BBX: variants seen among roughly 807,000 people sequenced by gnomAD.
The protein encoded by BBX is HMG box transcription factor BBX.
In BBX, 30 loss-of-function variants were observed where a neutral mutation model predicts 100.2. The observed-to-expected ratio is 0.30, with a 90% CI of 0.22 to 0.41. The LOEUF (loss-of-function observed/expected upper bound fraction) is 0.41, where lower values mean the gene tolerates loss of function less well. BBX is among the 10% of genes least tolerant of loss of function. The pLI is 1.00. For missense variants in BBX, 1,023 were observed against 1,129.8 expected (o/e 0.91, Z 1.35); for synonymous variants, 376 against 388.1 (o/e 0.97, Z 0.37).
At chr3:107,553,482 C>T (rs927167973) in intron 2 of BBX, among the ~76,000 whole-genome samples, 1 of 152,124 alleles carries the variant, frequency 6.6e-6, no homozygotes, top group African/African-American at 2.4e-5. Context: ...AAATCTAAGT[C>T]CTGGCTTTTT....
chr3:107,782,134 A>C (rs577998078), intron 13 of BBX, among the ~76,000 whole-genome samples: 5 of 152,126 alleles, frequency 3.3e-5, no homozygotes, highest in Admixed American at 1.3e-4. Flanking sequence ...TATAAAACGT[A>C]TACCTGATAC....
rs1301793995 is a variant in BBX at position 107,734,272 on chromosome 3, T to C, written c.669+1249T>C. ...ATTCAATTTAACAGAATTATTTTGA[T>C]TCTGTTCACTTCATTGTAGCAAGAA... is the stretch of plus-strand genomic sequence containing the variant. On this transcript the variant is annotated intron_variant, in intron 7 of 17. Transcript: ENST00000325805. Among the ~76,000 whole-genome samples, 4 of 152,216 alleles carry C rather than the reference T, an allele frequency of 2.6e-5. No individual in the cohort carries two copies. The South Asian group carries it at 8.3e-4, about 32-fold the overall frequency.
chr3:107,637,604 T>C (rs1380468617), intron 2 of BBX, among the ~76,000 whole-genome samples: 1 of 152,226 alleles, frequency 6.6e-6, no homozygotes, highest in East Asian at 1.9e-4. Flanking sequence ...CAAACTCTTA[T>C]CTGCCTCCAA....
At chr3:107,574,363 A>G (rs546478860) in intron 2 of BBX, among the ~76,000 whole-genome samples, 3 of 152,330 alleles carry the variant, frequency 2.0e-5, no homozygotes, top group East Asian at 3.9e-4. Flanking sequence ...ATTTGGGTAC[A>G]GGTTATTTCA....
chr3:107,761,248 G>A (rs181250784), intron 10 of BBX, among the ~76,000 whole-genome samples: 1 of 152,170 alleles, frequency 6.6e-6, no homozygotes, highest in Non-Finnish European at 1.5e-5. Context: ...AGAGGACTGT[G>A]TTTATGGAAG....
intron 3 of BBX, among the ~76,000 whole-genome samples, chr3:107,657,504 A>G (rs999807593): frequency 9.2e-5 from 14 of 152,146 alleles, no homozygotes; most frequent in African/African-American, 3.4e-4. Flanking sequence ...CTATTAATCT[A>G]CAGAACTTGA....
intron 2 of BBX, among the ~76,000 whole-genome samples, chr3:107,581,574 A>G (rs1357153744): frequency 6.6e-6 from 1 of 152,048 alleles, no homozygotes; most frequent in African/African-American, 2.4e-5. Context: ...TAATATAAGT[A>G]TATGCCAAAT....
At chr3:107,758,974 G>A (rs2065693339) in intron 10 of BBX, among the ~76,000 whole-genome samples, 1 of 152,086 alleles carries the variant, frequency 6.6e-6, no homozygotes, top group African/African-American at 2.4e-5. Flanking sequence ...TCCAAACATG[G>A]GGGTTGTTGC....
At chr3:107,778,235 T>G in intron 12 of BBX, 136 bp from the exon 13 acceptor site, 1 of 1,074,338 alleles carries the variant, frequency 9.3e-7, no homozygotes, top group Non-Finnish European at 1.3e-6. Flanking sequence ...AAGGTGTTTT[T>G]TTCCTTGCAC....
At chr3:107,564,282 A>G (rs1435176004) in intron 2 of BBX, among the ~76,000 whole-genome samples, 1 of 152,072 alleles carries the variant, frequency 6.6e-6, no homozygotes, top group Non-Finnish European at 1.5e-5. Flanking sequence ...TAGTCTGTAT[A>G]TTATTTGACT....
chr3:107,721,541 T>G (rs1022421880), intron 5 of BBX, among the ~76,000 whole-genome samples: 1 of 151,966 alleles, frequency 6.6e-6, no homozygotes, highest in Non-Finnish European at 1.5e-5. Context: ...CCTAAAGATG[T>G]GTGGTTTGTG....
At chr3:107,712,509 G>C (rs1276234214) in intron 4 of BBX, among the ~76,000 whole-genome samples, 1 of 152,146 alleles carries the variant, frequency 6.6e-6, no homozygotes, top group Non-Finnish European at 1.5e-5. Flanking sequence ...ATACTTTGCT[G>C]CTTTATTTTG....
At chr3:107,577,424 G>A (rs1172209373) in intron 2 of BBX, among the ~76,000 whole-genome samples, 1 of 152,234 alleles carries the variant, frequency 6.6e-6, no homozygotes, top group East Asian at 1.9e-4. Flanking sequence ...GGAAAGATTG[G>A]AAAGTAAAGA....
In BBX at chr3:107,716,761, A is replaced by G. The variant is rs1301007673; in HGVS notation, c.317A>G (p.Asp106Gly). The G allele has an allele frequency of 1.9e-6, 3 of 1,613,808 alleles. No individual in the cohort carries two copies. The highest frequency in any genetic ancestry group is 2.5e-6 in the Non-Finnish European group (3 of 1,179,774). ...SLVRQEHPRLDNRGATKILAD... is the reference protein window; with the variant it reads ...SLVRQEHPRLGNRGATKILAD... ...GTACGTCAGGAACACCCCAGGCTTG[A>G]TAACCGAGGTGCTACCAAGATACTA... The change falls in exon 5 of 18, where the codon GAT becomes GGT. Residue 106 changes from aspartate (D) to glycine (G), a missense_variant. Transcript: ENST00000325805.
At chr3:107,576,921 G>T (rs2051827485) in intron 2 of BBX, among the ~76,000 whole-genome samples, 1 of 151,828 alleles carries the variant, frequency 6.6e-6, no homozygotes, top group South Asian at 2.1e-4. Flanking sequence ...AGTGCATTGG[G>T]GCGATCTTGG....
At chr3:107,711,950 T>C (rs2061752193) in intron 4 of BBX, among the ~76,000 whole-genome samples, 3 of 152,120 alleles carry the variant, frequency 2.0e-5, no homozygotes, top group Admixed American at 1.3e-4. Flanking sequence ...CAGCTCACTG[T>C]AGCTTCCATC....
chr3:107,592,326 A>C (rs944189617), intron 2 of BBX, among the ~76,000 whole-genome samples: 4 of 129,810 alleles, frequency 3.1e-5, no homozygotes, highest in South Asian at 2.5e-4. Flanking sequence ...GCACCAGTGC[A>C]CTCCAGTCTA....
intron 2 of BBX, among the ~76,000 whole-genome samples, chr3:107,630,976 C>G (rs987125456): frequency 2.6e-5 from 4 of 152,182 alleles, no homozygotes; most frequent in African/African-American, 9.7e-5. Flanking sequence ...TTGAGGAGGA[C>G]CCTGGGTGAC....
chr3:107,744,811 G>A (rs2064431379), intron 8 of BBX, 101 bp downstream of exon 8: 1 of 943,556 alleles, frequency 1.1e-6, no homozygotes, highest in East Asian at 2.4e-5. Flanking sequence ...ACTCTACTCA[G>A]CTCAACCATA....
Sources: allele counts gnomAD v4.1 joint callset (sites outside exome capture counted in the v4.1 genomes callset), GRCh38; gene constraint gnomAD v4.1.1; transcripts MANE v1.5; gene names NCBI Gene and HGNC (gene_info 2026-07-23, HGNC 2026-07-21).